GLI3: variants seen among roughly 807,000 people sequenced by gnomAD.
GLI3 encodes GLI family zinc finger 3, also known as transcription activator GLI3.
In GLI3, 20 loss-of-function variants were observed where a neutral mutation model predicts 100.8. That is an observed-to-expected ratio of 0.20 (90% CI 0.14 to 0.29). The LOEUF (loss-of-function observed/expected upper bound fraction) is 0.29, where lower values mean the gene tolerates loss of function less well. Ranked by LOEUF, GLI3 falls within the 10% of genes least tolerant of loss-of-function variation. The pLI is 1.00. For missense variants in GLI3, 2,040 were observed against 2,128.5 expected (o/e 0.96, Z 0.82); for synonymous variants, 938 against 860.5 (o/e 1.09, Z -1.58).
At chr7:42,154,285 C>T (rs1009692812) in intron 2 of GLI3, among the ~76,000 whole-genome samples, 7 of 152,060 alleles carry the variant, frequency 4.6e-5, no homozygotes, top group Non-Finnish European at 7.4e-5. Flanking sequence ...CCCTACCACG[C>T]GCAAAGATAC....
intron 5 of GLI3, among the ~76,000 whole-genome samples, chr7:42,047,942 C>T (rs1303120169): frequency 1.3e-5 from 2 of 152,326 alleles, no homozygotes; most frequent in Non-Finnish European, 2.9e-5. Context: ...TCAGGCCCCA[C>T]CTGATCCCAC....
chr7:42,143,564 T>A (rs996866333), intron 3 of GLI3, among the ~76,000 whole-genome samples: 1 of 152,160 alleles, frequency 6.6e-6, no homozygotes, highest in African/African-American at 2.4e-5. Context: ...GACAGACAGG[T>A]AGAAAAAAAA....
intron 3 of GLI3, among the ~76,000 whole-genome samples, chr7:42,127,852 A>C (rs764024564): frequency 1.3e-5 from 2 of 152,080 alleles, no homozygotes; most frequent in Non-Finnish European, 2.9e-5. Context: ...TATAAAAAAA[A>C]TACAAAATTA....
rs112883840 is a variant in GLI3 at position 41,979,167 on chromosome 7, C to A, written c.1498-419G>T. Among the ~76,000 whole-genome samples, 614 of 152,330 alleles carry A rather than the reference C, an allele frequency of 4.0e-3. 4 individuals carry two copies. The highest frequency in any genetic ancestry group is 0.014 in the African/African-American group (568 of 41,550). ...ACAACTGCAGAGATGTTCTCCAACT[C>A]TCACATGCTGGGCCATGGGTTAGCA... On this transcript the variant is annotated intron_variant, in intron 10 of 14. Coordinates refer to ENST00000395925, the MANE Select transcript of GLI3 (RefSeq NM_000168.6).
chr7:42,039,421 C>T (rs902514555), intron 7 of GLI3, among the ~76,000 whole-genome samples: 3 of 152,180 alleles, frequency 2.0e-5, no homozygotes, highest in African/African-American at 7.2e-5. Flanking sequence ...GAACTATCCA[C>T]GGTTAACAAA....
upstream of GLI3, among the ~76,000 whole-genome samples, chr7:42,238,681 C>T (rs1788886638): frequency 6.6e-6 from 1 of 152,164 alleles, no homozygotes; most frequent in South Asian, 2.1e-4. Context: ...GGCCTCCTTC[C>T]TCGACCATCC....
Position 42,057,936 on chromosome 7 carries a change from T to C in GLI3, c.474-9240A>G, listed in dbSNP as rs866683708. ...AAGGATAAAAAAACTACATATTGGGTACAATGTACACTACTGGTGTCACAG... is the reference window on the plus strand; with the variant it reads ...AAGGATAAAAAAACTACATATTGGGCACAATGTACACTACTGGTGTCACAG... On this transcript the variant is annotated intron_variant, in intron 4 of 14. Coordinates refer to ENST00000395925, the MANE Select transcript of GLI3 (RefSeq NM_000168.6). Among the ~76,000 whole-genome samples, 7 of 152,174 alleles carry C rather than the reference T, an allele frequency of 4.6e-5. No individual in the cohort carries two copies. The South Asian group carries it at 1.5e-3, about 32-fold the overall frequency.
intron 10 of GLI3, among the ~76,000 whole-genome samples, chr7:42,022,439 TAC>T (rs1281246671): frequency 6.6e-6 from 1 of 151,642 alleles, no homozygotes. Context: ...TGCCTAAAAA[TAC>T]AGTTACTGTA....
chr7:42,245,918 A>T (rs199846143), intron 1 of GLI3, among the ~76,000 whole-genome samples: 1 of 135,886 alleles, frequency 7.4e-6, no homozygotes, highest in Admixed American at 7.3e-5. Flanking sequence ...AAAAAAAAAA[A>T]GGAAACCATG....
intron 2 of GLI3, among the ~76,000 whole-genome samples, chr7:42,199,614 G>A (rs563575369): frequency 1.3e-5 from 2 of 152,296 alleles, no homozygotes; most frequent in Admixed American, 1.3e-4. Context: ...GTATGTGTGT[G>A]AGCACACGTG....
chr7:42,025,115 A>G (rs1789071466), intron 9 of GLI3, 149 bp downstream of exon 9: 2 of 631,378 alleles, frequency 3.2e-6, no homozygotes, highest in Non-Finnish European at 5.7e-6. Flanking sequence ...CCTTTTGTAC[A>G]ACATGTAGAG....
intron 3 of GLI3, among the ~76,000 whole-genome samples, chr7:42,103,045 G>A (rs770446049): frequency 2.0e-5 from 3 of 152,144 alleles, no homozygotes; most frequent in Non-Finnish European, 4.4e-5. Flanking sequence ...TAGAGAATCC[G>A]GAAGCGGCTT....
chr7:42,129,581 C>T (rs542933045), intron 3 of GLI3, among the ~76,000 whole-genome samples: 3 of 152,158 alleles, frequency 2.0e-5, no homozygotes, highest in Non-Finnish European at 2.9e-5. Context: ...GAGGCCGAGG[C>T]GGGGGGATCA....
chr7:42,228,822 C>G (rs1187337788), intron 1 of GLI3, among the ~76,000 whole-genome samples: 1 of 152,170 alleles, frequency 6.6e-6, no homozygotes, highest in Non-Finnish European at 1.5e-5. Flanking sequence ...CTGTGAATGG[C>G]TAAGACAGAC....
intron 3 of GLI3, among the ~76,000 whole-genome samples, chr7:42,102,593 A>G (rs1785488385): frequency 6.6e-6 from 1 of 152,262 alleles, no homozygotes; most frequent in Non-Finnish European, 1.5e-5. Context: ...GCAGCTGTAC[A>G]GGCTGGGTGT....
chr7:41,970,391 G>A (rs1464475617), intron 13 of GLI3, among the ~76,000 whole-genome samples: 2 of 152,140 alleles, frequency 1.3e-5, no homozygotes, highest in African/African-American at 4.8e-5. Context: ...AATATCTGCT[G>A]TGGAAATGTG....
intron 2 of GLI3, among the ~76,000 whole-genome samples, chr7:42,219,392 C>T (rs537142712): frequency 6.6e-6 from 1 of 151,884 alleles, no homozygotes; most frequent in Non-Finnish European, 1.5e-5. Flanking sequence ...GATATAGGTT[C>T]CTAAATGTTA....
rs1472407107 is a variant in GLI3, at chr7:42,237,030, GGCTGGCGGCTCCCCGCTCCGCGCGGCC to G, written c.-129_-103del. The G allele has an allele frequency of 5.3e-5, 8 of 150,398 alleles. No homozygotes were observed. The highest frequency in any genetic ancestry group is 1.2e-4 in the Non-Finnish European group (8 of 67,520). 9.3% of individuals were successfully genotyped at this position (150,398 alleles called of 1,614,324 possible). ...CCCATAGACCCGCGGACGGGGCGCA[GGCTGGCGGCTCCCCGCTCCGCGCGGCC>G]GCGGGCGGCTACGGCTACCGCGAGC... On this transcript the variant is annotated 5_prime_UTR_variant, in exon 1 of 15. Coordinates refer to ENST00000395925, the MANE Select transcript of GLI3 (RefSeq NM_000168.6).
chr7:42,128,925 G>A (rs931527702), intron 3 of GLI3, among the ~76,000 whole-genome samples: 1 of 152,164 alleles, frequency 6.6e-6, no homozygotes, highest in African/African-American at 2.4e-5. Flanking sequence ...GGTGGCAGAG[G>A]TGGGCCTGGG....
Sources: allele counts gnomAD v4.1 joint callset (sites outside exome capture counted in the v4.1 genomes callset), GRCh38; gene constraint gnomAD v4.1.1; transcripts MANE v1.5; gene names NCBI Gene and HGNC (gene_info 2026-07-23, HGNC 2026-07-21).